GRIN2A: variants seen among roughly 807,000 people sequenced by gnomAD.
GRIN2A encodes the protein glutamate ionotropic receptor NMDA type subunit 2A, also known as glutamate receptor ionotropic, NMDA 2A.
GRIN2A carries 22 observed loss-of-function variants against 113.4 expected under a neutral mutation model. The observed-to-expected ratio is 0.19, with a 90% CI of 0.14 to 0.28. The LOEUF (loss-of-function observed/expected upper bound fraction) is 0.28, where lower values mean the gene tolerates loss of function less well. GRIN2A is among the 10% of genes least tolerant of loss of function. The pLI is 1.00. For synonymous variants in GRIN2A, 827 were observed against 738.4 expected (o/e 1.12, Z -1.94); for missense variants, 1,502 against 1,887.0 (o/e 0.80, Z 3.78).
chr16:9,831,215 G>C (rs1015889161), intron 8 of GRIN2A, among the ~76,000 whole-genome samples: 1 of 152,220 alleles, frequency 6.6e-6, no homozygotes, highest in Admixed American at 6.5e-5. Flanking sequence ...CTTTACAATA[G>C]TCTTTCCAGC....
chr16:10,072,077 G>A (rs547845462), intron 2 of GRIN2A, among the ~76,000 whole-genome samples: 1 of 152,280 alleles, frequency 6.6e-6, no homozygotes, highest in East Asian at 1.9e-4. Context: ...AGAAAGTGAT[G>A]ATACCTCTAT....
At chr16:9,772,728 G>C (rs1274281118) in intron 11 of GRIN2A, among the ~76,000 whole-genome samples, 2 of 152,062 alleles carry the variant, frequency 1.3e-5, no homozygotes, top group South Asian at 2.1e-4. Context: ...TGACTCATCA[G>C]ATTCCCAGAA....
intron 2 of GRIN2A, among the ~76,000 whole-genome samples, chr16:10,110,202 G>C (rs1042836770): frequency 6.6e-5 from 10 of 152,162 alleles, no homozygotes; most frequent in African/African-American, 2.2e-4. Flanking sequence ...AAAGGGAGTG[G>C]CACACGCAGA....
rs1470222397 is a variant in GRIN2A at position 9,908,742 on chromosome 16, C to T, written c.1008-17642G>A. Among the ~76,000 whole-genome samples the T allele has an allele frequency of 2.6e-5, 4 of 152,182 alleles. No individual in the cohort carries two copies. In the South Asian group the frequency reaches 8.3e-4, roughly 32 times the overall value. On this transcript the variant is annotated intron_variant, in intron 3 of 12. Transcript: ENST00000330684. ...TGGCCAGGGCTGTGTGGGAGGAGAT[C>T]CTCACGTCAGTACGATGAGAGCAAG...
At chr16:9,985,632 A>G (rs1289228119) in intron 2 of GRIN2A, among the ~76,000 whole-genome samples, 1 of 152,074 alleles carries the variant, frequency 6.6e-6, no homozygotes, top group Non-Finnish European at 1.5e-5. Context: ...TGAGAGCTAA[A>G]AAAAAAAAAA....
intron 5 of GRIN2A, among the ~76,000 whole-genome samples, chr16:9,844,961 A>G (rs1469880879): frequency 2.0e-5 from 3 of 152,174 alleles, no homozygotes; most frequent in Non-Finnish European, 4.4e-5. Flanking sequence ...GAGAAACAAA[A>G]AGGTTTCACA....
chr16:9,903,918 G>T (rs548109909), intron 3 of GRIN2A, among the ~76,000 whole-genome samples: 5 of 152,284 alleles, frequency 3.3e-5, no homozygotes, highest in South Asian at 2.1e-4. Flanking sequence ...TTCATAGCCT[G>T]AACAATGTTA....
At chr16:9,834,374 T>A in intron 7 of GRIN2A, 144 bp from the exon 8 acceptor site, 2 of 718,174 alleles carry the variant, frequency 2.8e-6, no homozygotes, top group Non-Finnish European at 4.7e-6. Context: ...GCTAATCATT[T>A]TTTATTTTTA....
intron 2 of GRIN2A, among the ~76,000 whole-genome samples, chr16:10,131,668 G>A (rs1338365806): frequency 6.6e-6 from 1 of 152,118 alleles, no homozygotes; most frequent in East Asian, 1.9e-4. Context: ...AGACTTCCTG[G>A]GAGACATGGC....
intron 2 of GRIN2A, among the ~76,000 whole-genome samples, chr16:9,986,757 G>A (rs2045985930): frequency 2.7e-5 from 3 of 111,276 alleles, no homozygotes; most frequent in Non-Finnish European, 5.3e-5. Context: ...AGTGCAAGAC[G>A]CTGTCTCAAA....
intron 4 of GRIN2A, among the ~76,000 whole-genome samples, chr16:9,883,089 A>G (rs1034578476): frequency 7.2e-5 from 11 of 152,192 alleles, no homozygotes; most frequent in African/African-American, 2.7e-4. Context: ...AACCAGAGAG[A>G]AACTCTGGTT....
chr16:9,895,249 G>A (rs571802881), intron 3 of GRIN2A, among the ~76,000 whole-genome samples: 1 of 152,210 alleles, frequency 6.6e-6, no homozygotes, highest in Non-Finnish European at 1.5e-5. Flanking sequence ...AGGAAACAAA[G>A]TTAAAGGGAT....
chr16:9,775,518 A>C (rs1404628976), intron 11 of GRIN2A, among the ~76,000 whole-genome samples: 2 of 152,220 alleles, frequency 1.3e-5, no homozygotes, highest in Non-Finnish European at 2.9e-5. Context: ...AGTCATGAAA[A>C]CCAGTAGTTA....
chr16:10,062,278 C>A (rs1186419871), intron 2 of GRIN2A, among the ~76,000 whole-genome samples: 1 of 152,102 alleles, frequency 6.6e-6, no homozygotes, highest in African/African-American at 2.4e-5. Context: ...TAAAAAGCAG[C>A]CCTAGACAGT....
intron 2 of GRIN2A, among the ~76,000 whole-genome samples, chr16:10,131,499 T>A (rs1223391809): frequency 6.6e-6 from 1 of 150,918 alleles, no homozygotes; most frequent in Non-Finnish European, 1.5e-5. Context: ...GCTCAGGGTA[T>A]AACAATAAAT....
chr16:9,880,090 T>A (rs1257127421), intron 4 of GRIN2A, among the ~76,000 whole-genome samples: 2 of 152,006 alleles, frequency 1.3e-5, no homozygotes, highest in African/African-American at 2.4e-5. Flanking sequence ...CTCAGCTGGG[T>A]TTTTGCTCAG....
chr16:9,959,607 C>G (rs1301521345), intron 2 of GRIN2A, among the ~76,000 whole-genome samples: 4 of 152,254 alleles, frequency 2.6e-5, no homozygotes, highest in African/African-American at 9.6e-5. Context: ...AGGCTTTCCA[C>G]TGTGCTAAAG....
At chr16:10,082,457 C>T (rs1045000811) in intron 2 of GRIN2A, among the ~76,000 whole-genome samples, 19 of 152,172 alleles carry the variant, frequency 1.2e-4, no homozygotes, top group South Asian at 2.1e-4. Context: ...GATAGGACAT[C>T]GCTTCTGTGA....
chr16:9,948,909 G>C (rs2045095516), intron 2 of GRIN2A, among the ~76,000 whole-genome samples: 1 of 152,234 alleles, frequency 6.6e-6, no homozygotes, highest in Admixed American at 6.5e-5. Context: ...ATGTACGCAA[G>C]TGGCTGGGTC....
Sources: allele counts gnomAD v4.1 joint callset (sites outside exome capture counted in the v4.1 genomes callset), GRCh38; gene constraint gnomAD v4.1.1; transcripts MANE v1.5; gene names NCBI Gene and HGNC (gene_info 2026-07-23, HGNC 2026-07-21).